The following CHD9 variants were observed in gnomAD, a reference collection of about 807,000 sequenced individuals.
CHD9 encodes the protein chromodomain helicase DNA binding protein 9, also known as ATP-dependent chromatin remodeler CHD9.
In CHD9, 77 loss-of-function variants were observed where a neutral mutation model predicts 316.1. That is an observed-to-expected ratio of 0.24 (90% confidence interval 0.20 to 0.29). The LOEUF (loss-of-function observed/expected upper bound fraction) is 0.29, where lower values mean the gene tolerates loss of function less well. Ranked by LOEUF, CHD9 falls within the 10% of genes least tolerant of loss-of-function variation. The pLI, the probability that CHD9 is intolerant of heterozygous loss-of-function variation, is 1.00. For missense variants in CHD9, 2,763 were observed against 3,438.1 expected (o/e 0.80, Z 4.91); for synonymous variants, 1,129 against 1,158.3 (o/e 0.97, Z 0.51).
chr16:53,314,885 T>A lies in CHD9; in HGVS notation c.7425T>A (p.Thr2475=). Residue 2475 remains threonine (T), a synonymous_variant, in exon 36 of 39, where the codon ACT becomes ACA. Transcript: ENST00000447540. ...GGATAAATCCAGCACTATCCTATACTCAACCTCAAGGAATTCCTGATACAG... is the reference window on the plus strand; with the variant it reads ...GGATAAATCCAGCACTATCCTATACACAACCTCAAGGAATTCCTGATACAG... ...STGINPALSY[T]QPQGIPDTES... is the part of the protein sequence containing the mutation. The A allele has an allele frequency of 6.2e-7, 1 of 1,613,848 alleles. No homozygotes were observed. The highest frequency in any genetic ancestry group is 1.3e-5 in the African/African-American group (1 of 75,030).
chr16:53,110,796 C>G (rs904448141), intron 1 of CHD9, among the ~76,000 whole-genome samples: 1 of 152,024 alleles, frequency 6.6e-6, no homozygotes, highest in African/African-American at 2.4e-5. Context: ...TTTTTAAAAC[C>G]AAAATATTCT....
At chr16:53,295,774 G>C (rs542188302) in intron 29 of CHD9, among the ~76,000 whole-genome samples, 1 of 152,080 alleles carries the variant, frequency 6.6e-6, no homozygotes, top group South Asian at 2.1e-4. Context: ...TTTTTCAAAG[G>C]CCTGTCCCAT....
At chr16:53,287,651 C>T (rs553013338) in intron 26 of CHD9, among the ~76,000 whole-genome samples, 3 of 152,092 alleles carry the variant, frequency 2.0e-5, no homozygotes, top group Non-Finnish European at 4.4e-5. Context: ...CTCTTGAACC[C>T]GGGAGGTGGA....
At chr16:53,295,787 G>A (rs1034921115) in intron 29 of CHD9, among the ~76,000 whole-genome samples, 1 of 152,072 alleles carries the variant, frequency 6.6e-6, no homozygotes, top group Non-Finnish European at 1.5e-5. Flanking sequence ...TGTCCCATAT[G>A]TTTTTTCTAA....
At position 53,325,504 on chromosome 16, in the gene CHD9, G is replaced by A. The variant is rs2057511365; in HGVS notation, c.*609G>A. 1 of 152,564 alleles carries A rather than the reference G, an allele frequency of 6.6e-6. No individual in the cohort carries two copies. Among genetic ancestry groups the A allele is most frequent in the Non-Finnish European group, 1.5e-5 (1 of 68,008 alleles). The allele number at this position is 152,564 out of a possible 1,614,324, so 9.5% of individuals were successfully genotyped here. A position where few individuals can be genotyped will look rare whatever the true frequency, so the allele number is the denominator to read the frequency against. ...TACCTCAGCTGAGTTAGTTTAGGAA[G>A]TTTACATTCGTTTCTAATTCTATAC... On this transcript the variant is annotated 3_prime_UTR_variant, in exon 39 of 39. Transcript: ENST00000447540.
rs2057503921 is a variant in CHD9, at chr16:53,325,288, C to G, written c.*393C>G. ...TCCTTGACACCTATAATTTACAGAT[C>G]AAAACTCAGCAATAATTTGGGCAGC... On this transcript the variant is annotated 3_prime_UTR_variant, in exon 39 of 39. Transcript: ENST00000447540. The G allele has an allele frequency of 6.3e-6, 1 of 157,964 alleles. No homozygotes were observed. Among genetic ancestry groups the G allele is most frequent in the Non-Finnish European group, 1.4e-5 (1 of 71,476 alleles). 9.8% of individuals were successfully genotyped at this position (157,964 alleles called of 1,614,324 possible). A position where few individuals can be genotyped will look rare whatever the true frequency, so the allele number is the denominator to read the frequency against.
chr16:53,168,771 G>C (rs1021281377), intron 2 of CHD9: 6 of 152,444 alleles, frequency 3.9e-5, no homozygotes, highest in African/African-American at 1.4e-4. Context: ...GGGTCTGGCT[G>C]TGTTACCCAG....
At position 53,304,429 on chromosome 16, in the gene CHD9, A is replaced by G; in HGVS notation, c.6423A>G (p.Ser2141=). The change falls in exon 31 of 39, where the codon TCA becomes TCG. Residue 2141 remains serine, a synonymous_variant. Transcript: ENST00000447540. Reference sequence around the variant, plus strand: ...ATTCTGACTCAGATTCTGAGAGATCATCTTGTTCTTCCAGATCATCTTCTT... The same window carrying G: ...ATTCTGACTCAGATTCTGAGAGATCGTCTTGTTCTTCCAGATCATCTTCTT... ...SSDSDSDSER[S]SCSSRSSSSS... 6.3e-7 allele frequency: 1 copy of G among 1,598,664 alleles called. No homozygotes were observed. Among genetic ancestry groups the G allele is most frequent in the Non-Finnish European group, 8.5e-7 (1 of 1,172,452 alleles).
intron 1 of CHD9, among the ~76,000 whole-genome samples, chr16:53,094,132 C>G (rs2036182157): frequency 6.6e-6 from 1 of 152,222 alleles, no homozygotes; most frequent in African/African-American, 2.4e-5. Flanking sequence ...AGCACTTCCC[C>G]TTGGGTTCCC....
At chr16:53,203,025 A>G (rs1160164466) in intron 2 of CHD9, among the ~76,000 whole-genome samples, 5 of 152,150 alleles carry the variant, frequency 3.3e-5, no homozygotes, top group Non-Finnish European at 7.4e-5. Flanking sequence ...GTATTTATTG[A>G]TAGTTTGAAG....
chr16:53,222,397 A>G (rs940562255), intron 3 of CHD9, among the ~76,000 whole-genome samples: 2 of 152,128 alleles, frequency 1.3e-5, no homozygotes, highest in Non-Finnish European at 2.9e-5. Flanking sequence ...CTGTGTTTAG[A>G]AGTACATTAA....
chr16:53,133,121 G>A (rs1010327116), intron 1 of CHD9, among the ~76,000 whole-genome samples: 10 of 152,026 alleles, frequency 6.6e-5, no homozygotes, highest in Non-Finnish European at 4.4e-5. Context: ...AAGTGCATTG[G>A]GAAAAGTGGT....
intron 2 of CHD9, among the ~76,000 whole-genome samples, chr16:53,204,432 T>G (rs572431048): frequency 1.3e-5 from 2 of 152,320 alleles, no homozygotes; most frequent in Admixed American, 6.5e-5. Flanking sequence ...TCTCTTCGCT[T>G]CTTTTCCTCA....
At chr16:53,323,040 T>C (rs2057376275) in intron 38 of CHD9, among the ~76,000 whole-genome samples, 1 of 152,170 alleles carries the variant, frequency 6.6e-6, no homozygotes, top group Non-Finnish European at 1.5e-5. Flanking sequence ...TAAACCACTA[T>C]CTAGAACTGC....
chr16:53,307,607 C>A, intron 32 of CHD9, 74 bp from the exon 33 acceptor site: 1 of 1,361,450 alleles, frequency 7.3e-7, no homozygotes. Context: ...AATCCATAGA[C>A]TCTTGAGCTA....
intron 1 of CHD9, among the ~76,000 whole-genome samples, chr16:53,123,828 G>A (rs1038738392): frequency 4.6e-5 from 7 of 152,204 alleles, no homozygotes; most frequent in Admixed American, 4.6e-4. Flanking sequence ...AAACATCTTT[G>A]TGTAATAATT....
At chr16:53,266,172 C>T (rs2051669121) in intron 20 of CHD9, among the ~76,000 whole-genome samples, 1 of 151,526 alleles carries the variant, frequency 6.6e-6, no homozygotes, top group African/African-American at 2.4e-5. Flanking sequence ...TAAGGAGACA[C>T]AACATATTTA....
intron 1 of CHD9, among the ~76,000 whole-genome samples, chr16:53,101,277 T>TC (rs1212704910): frequency 1.3e-5 from 2 of 149,048 alleles, no homozygotes; most frequent in African/African-American, 2.5e-5. Flanking sequence ...CCTTTTCTTT[T>TC]TTTTTTTTTT....
chr16:53,296,953 T>C lies in CHD9; in HGVS notation c.5511-3T>C, dbSNP rs1267515957. 3.1e-6 allele frequency: 5 copies of C among 1,606,088 alleles called. No homozygotes were observed. The African/African-American group carries it at 4.0e-5, about 13-fold the overall frequency. ...TTTTTTTCTTTAATCTGACTCAAAA[T>C]AGATGGACAAGAAGAGAAGAAGCTG... On this transcript the variant is annotated splice_region_variant and splice_polypyrimidine_tract_variant and intron_variant, in intron 29 of 38. Transcript: ENST00000447540.
Sources: allele counts gnomAD v4.1 joint callset (sites outside exome capture counted in the v4.1 genomes callset), GRCh38; gene constraint gnomAD v4.1.1; transcripts MANE v1.5; gene names NCBI Gene and HGNC (gene_info 2026-07-23, HGNC 2026-07-21).